The following CRB1 variants were observed in gnomAD, a reference collection of about 807,000 sequenced individuals.
CRB1 encodes the protein crumbs cell polarity complex component 1.
CRB1 carries 83 observed loss-of-function variants against 120.0 expected under a neutral mutation model. The observed-to-expected ratio is 0.69, with a 90% CI of 0.58 to 0.83. The LOEUF (loss-of-function observed/expected upper bound fraction) is 0.83, where lower values mean the gene tolerates loss of function less well. Among genes scored for constraint, CRB1 ranks in the 40% least tolerant of loss-of-function variants. CRB1 has a pLI of 0.00. For synonymous variants in CRB1, 625 were observed against 612.5 expected (o/e 1.02, Z -0.30); for missense variants, 1,699 against 1,687.6 (o/e 1.01, Z -0.12).
chr1:197,473,687 T>C (rs1007034451), intron 11 of CRB1, among the ~76,000 whole-genome samples: 2 of 152,072 alleles, frequency 1.3e-5, no homozygotes. Context: ...GAAAAGGTTA[T>C]TCAAAAGCTC....
intron 2 of CRB1, among the ~76,000 whole-genome samples, chr1:197,329,239 A>T (rs1367998841): frequency 6.6e-6 from 1 of 152,182 alleles, no homozygotes; most frequent in Non-Finnish European, 1.5e-5. Flanking sequence ...ACATGATTTA[A>T]AACTGGATTC....
At chr1:197,442,446 A>G (rs762903675) in intron 11 of CRB1, 154 bp downstream of exon 11, 1 of 1,559,048 alleles carries the variant, frequency 6.4e-7, no homozygotes, top group Admixed American at 2.0e-5. Context: ...CCAAATGAAA[A>G]AAAAAGCCAT....
At chr1:197,357,318 A>G (rs1283377526) in intron 5 of CRB1, 2 of 415,536 alleles carry the variant, frequency 4.8e-6, no homozygotes, top group African/African-American at 4.0e-5. Flanking sequence ...TGAAATTTTT[A>G]TGCTATCAAA....
chr1:197,477,446 AT>A, intron 11 of CRB1: 3 of 649,884 alleles, frequency 4.6e-6, no homozygotes. Context: ...TTCATGCCAT[AT>A]TTTCTGACTG....
chr1:197,364,940 A>G (rs192060440), intron 5 of CRB1, among the ~76,000 whole-genome samples: 1 of 152,208 alleles, frequency 6.6e-6, no homozygotes, highest in East Asian at 1.9e-4. Context: ...TTGTGATGAC[A>G]TGATTTTGAA....
chr1:197,416,786 T>C (rs1664027204), intron 5 of CRB1, among the ~76,000 whole-genome samples: 1 of 152,204 alleles, frequency 6.6e-6, no homozygotes, highest in East Asian at 1.9e-4. Flanking sequence ...CTCAGCTCAC[T>C]GCAACCTCCG....
At chr1:197,247,858 A>G in the CRB1 span, among the ~76,000 whole-genome samples, 1 of 152,028 alleles carries the variant, frequency 6.6e-6, no homozygotes, top group Non-Finnish European at 1.5e-5. Flanking sequence ...CCTTGGAACA[A>G]CAACTATCAT....
the CRB1 span, among the ~76,000 whole-genome samples, chr1:197,229,685 C>T: frequency 2.6e-5 from 4 of 152,126 alleles, no homozygotes; most frequent in Non-Finnish European, 5.9e-5. Context: ...TTAGCTTTCA[C>T]TCGTAAGTGA....
rs777655117 is a variant in CRB1 at position 197,421,171 on chromosome 1, A to C, written c.1343A>C (p.Gln448Pro). ...CSDILLGCTHQQCLNNGTCIP... is the reference protein window; with the variant it reads ...CSDILLGCTHPQCLNNGTCIP... Reference sequence around the variant, plus strand: ...GATATTCTCCTGGGCTGTACCCATCAGCAATGTCTAAATAATGGAACATGC... The same window carrying C: ...GATATTCTCCTGGGCTGTACCCATCCGCAATGTCTAAATAATGGAACATGC... Residue 448 changes from glutamine (Q) to proline (P), a missense_variant, in exon 6 of 12, where the codon CAG (glutamine) becomes CCG (proline). By Grantham distance (76) the Gln-to-Pro change is moderately conservative. Coordinates refer to ENST00000367400, the MANE Select transcript of CRB1 (RefSeq NM_201253.3). 7 of 1,614,108 alleles carry C rather than the reference A, an allele frequency of 4.3e-6. No individual in the cohort carries two copies. In the African/African-American group the frequency reaches 9.3e-5, roughly 22 times the overall value.
At chr1:197,471,031 A>G (rs1411499182) in intron 11 of CRB1, among the ~76,000 whole-genome samples, 1 of 150,910 alleles carries the variant, frequency 6.6e-6, no homozygotes, top group Non-Finnish European at 1.5e-5. Context: ...TTTTTTTCTC[A>G]TTTATCTCCA....
chr1:197,314,721 A>T (rs1657743986), intron 1 of CRB1, among the ~76,000 whole-genome samples: 1 of 152,104 alleles, frequency 6.6e-6, no homozygotes, highest in East Asian at 1.9e-4. Flanking sequence ...TTTCTGTATA[A>T]TGTGGTCTCT....
At chr1:197,243,921 T>C in the CRB1 span, among the ~76,000 whole-genome samples, 3 of 152,196 alleles carry the variant, frequency 2.0e-5, no homozygotes, top group African/African-American at 7.2e-5. Context: ...TCTTCACTAT[T>C]ATGTAATGGC....
intron 10 of CRB1, chr1:197,441,185 G>A (rs553475370): frequency 1.3e-5 from 2 of 152,126 alleles, no homozygotes; most frequent in Admixed American, 6.6e-5. Context: ...ATTATAAGCT[G>A]CACTATAGAG....
chr1:197,319,977 G>T (rs1198773356), intron 1 of CRB1, among the ~76,000 whole-genome samples: 1 of 152,130 alleles, frequency 6.6e-6, no homozygotes, highest in African/African-American at 2.4e-5. Flanking sequence ...ATATTAGTTG[G>T]CTTATTTGAT....
intron 1 of CRB1, among the ~76,000 whole-genome samples, chr1:197,289,658 C>T (rs1187535186): frequency 6.6e-6 from 1 of 151,672 alleles, no homozygotes; most frequent in African/African-American, 2.4e-5. Flanking sequence ...AGAACCTTTT[C>T]TTCTATCATT....
At chr1:197,324,478 A>G (rs1016083209) in intron 1 of CRB1, among the ~76,000 whole-genome samples, 1 of 152,188 alleles carries the variant, frequency 6.6e-6, no homozygotes, top group Admixed American at 6.5e-5. Flanking sequence ...CTTTATGTGT[A>G]TTATCTCTTT....
Position 197,427,596 on chromosome 1 carries a change from C to T in CRB1, c.2271C>T (p.Asn757=). 1 of 1,614,002 alleles carries T rather than the reference C, an allele frequency of 6.2e-7. No homozygotes were observed. The highest frequency in any genetic ancestry group is 8.5e-7 in the Non-Finnish European group (1 of 1,179,998). ...CAGGCTTACTTCTAGCTTTGGAAAA[C>T]AGCACTTATCAATATATCCGTGTCT... ...QPSGLLLALE[N]STYQYIRVWL... is the part of the protein sequence containing the mutation. The change falls in exon 7 of 12, where the codon AAC becomes AAT. Residue 757 remains asparagine, a synonymous_variant. Coordinates refer to ENST00000367400, the MANE Select transcript of CRB1 (RefSeq NM_201253.3).
At chr1:197,429,336 G>T in intron 7 of CRB1, 113 bp from the exon 8 acceptor site, 1 of 1,417,078 alleles carries the variant, frequency 7.1e-7, no homozygotes, top group Admixed American at 1.7e-5. Context: ...AGTTTAAAAT[G>T]TAAAGATGCA....
chr1:197,374,928 C>A (rs530944246), intron 5 of CRB1, among the ~76,000 whole-genome samples: 106 of 152,232 alleles, frequency 7.0e-4, no homozygotes, highest in Admixed American at 1.8e-3. Flanking sequence ...ACAACCAAGG[C>A]ACCATATAAG....
Sources: gnomAD v4.1 joint callset for allele counts (sites outside exome capture counted in the v4.1 genomes callset) on GRCh38, gnomAD v4.1.1 for gene constraint, MANE v1.5 for transcripts, NCBI Gene and HGNC (gene_info 2026-07-23, HGNC 2026-07-21) for gene names.